ANKS3: variants seen among roughly 807,000 people sequenced by gnomAD.
The protein encoded by ANKS3 is ankyrin repeat and SAM domain-containing protein 3.
In ANKS3, 62 loss-of-function variants were observed where a neutral mutation model predicts 80.7. The observed-to-expected ratio is 0.77, with a 90% confidence interval of 0.63 to 0.95. The LOEUF is 0.95. Ranked by LOEUF, ANKS3 falls within the 40% of genes least tolerant of loss-of-function variation. ANKS3 has a pLI of 0.00. For synonymous variants in ANKS3, 489 were observed against 355.3 expected, an observed-to-expected ratio of 1.38 and a Z score of -4.23; for missense variants, 1,150 against 883.6, an observed-to-expected ratio of 1.30 and a Z score of -3.82.
At chr16:4,712,092 C>T (rs1025836012) in intron 7 of ANKS3, among the ~76,000 whole-genome samples, 7 of 152,176 alleles carry the variant, frequency 4.6e-5, no homozygotes, top group African/African-American at 1.7e-4. Context: ...TAGACCACGC[C>T]GGGAGCGGTG....
intron 8 of ANKS3, among the ~76,000 whole-genome samples, 159 bp from the exon 9 acceptor site, chr16:4,702,401 G>C (rs1372491281): frequency 6.6e-6 from 1 of 152,220 alleles, no homozygotes; most frequent in Non-Finnish European, 1.5e-5. Flanking sequence ...GGGTGGAAAA[G>C]ATGCTCTGAG....
Position 4,705,115 on chromosome 16 carries a change from C to G in ANKS3, c.848G>C (p.Arg283Thr). ...ARITGIGLGG[R>T]APRPRYEQAP... ...CTCACCATAGCGAGGCCGTGGGGCT[C>G]TGCCGCCCAGGCCAATGCCTGTGAT... The change falls in exon 8 of 18, where the codon AGA (arginine) becomes ACA (threonine). Residue 283 changes from arginine (R) to threonine (T), a missense_variant. Coordinates refer to ENST00000304283, the MANE Select transcript of ANKS3 (RefSeq NM_133450.4). 1 of 1,612,824 alleles carries G rather than the reference C, an allele frequency of 6.2e-7. No homozygotes were observed. The highest frequency in any genetic ancestry group is 8.5e-7 in the Non-Finnish European group (1 of 1,180,026).
intron 3 of ANKS3, chr16:4,727,408 T>A (rs2081409169): frequency 8.5e-6 from 5 of 585,062 alleles, no homozygotes; most frequent in Non-Finnish European, 6.1e-6. Flanking sequence ...TTTCGCATCC[T>A]CCTAGCCCAA....
rs780015568 is a variant in ANKS3 at position 4,697,376 on chromosome 16, G to C, written c.1851C>G (p.Leu617=). 1 of 1,610,388 alleles carries C rather than the reference G, an allele frequency of 6.2e-7. No homozygotes were observed. Among genetic ancestry groups the C allele is most frequent in the Non-Finnish European group, 8.5e-7 (1 of 1,178,436 alleles). ...CCTCCAGGGCTCCCGAGAGCTCGGG[G>C]AGGCTCATGGCCTGCAGGGACGCTT... ...GWQASLQAMS[L]PELSGALEDR... is the part of the protein sequence containing the mutation. Residue 617 remains leucine (L), a synonymous_variant, in exon 16 of 18, where the codon CTC becomes CTG. Coordinates refer to ENST00000304283, the MANE Select transcript of ANKS3 (RefSeq NM_133450.4).
chr16:4,714,195 G>A lies in ANKS3; in HGVS notation c.574-9C>T, dbSNP rs778169027. On this transcript the variant is annotated splice_polypyrimidine_tract_variant and intron_variant, in intron 6 of 17. Coordinates refer to ENST00000304283, the MANE Select transcript of ANKS3 (RefSeq NM_133450.4). ...GCGTCCACCTTGACTCCCTGTGAAT[G>A]TCCGTGAAAGGGGGTTAGGGGCCTC... 5.0e-5 allele frequency: 81 copies of A among 1,613,698 alleles called. No homozygotes were observed. The highest frequency in any genetic ancestry group is 6.7e-5 in the Non-Finnish European group (79 of 1,179,878).
rs560639413 is a variant in ANKS3 at position 4,696,975 on chromosome 16, T to C, written c.*11+42A>G. On this transcript the variant is annotated intron_variant, in intron 17 of 17. Transcript: ENST00000304283. ...CACCTGCAGCCGCCCAGACAGGCCCTGCTGCTCCCACCACGCGGGATCCAG... is the reference window on the plus strand; with the variant it reads ...CACCTGCAGCCGCCCAGACAGGCCCCGCTGCTCCCACCACGCGGGATCCAG... 101 of 1,593,648 alleles carry C rather than the reference T, an allele frequency of 6.3e-5. No homozygotes were observed. The East Asian group carries it at 2.0e-3, about 32-fold the overall frequency.
intron 14 of ANKS3, 58 bp from the exon 15 acceptor site, chr16:4,698,120 C>G (rs570053759): frequency 6.6e-7 from 1 of 1,513,286 alleles, no homozygotes; most frequent in East Asian, 2.4e-5. Context: ...TGCAGAGCCC[C>G]CACCTCAGAC....
rs774373533 is a variant in ANKS3, at chr16:4,698,502, C to T, written c.1649G>A (p.Arg550His). 8.7e-5 allele frequency: 135 copies of T among 1,557,354 alleles called. No homozygotes were observed. The highest frequency in any genetic ancestry group is 1.0e-4 in the Non-Finnish European group (120 of 1,159,400). ...CCGCAGCCGGGCCTGGAGGTCCTCG[C>T]GGGCGCGGTCCTGCTCCAGCAGGCA... ...ESCLLEQDRA[R>H]EDLQARLRET... is the part of the protein sequence containing the mutation. The change falls in exon 14 of 18, where the codon CGC becomes CAC. Residue 550 changes from arginine to histidine, a missense_variant. Arg to His is a conservative substitution (Grantham distance 29, BLOSUM62 0). Transcript: ENST00000304283.
In ANKS3 at chr16:4,697,374, G is replaced by C. The variant is rs567237538; in HGVS notation, c.1853C>G (p.Pro618Arg). 97 of 1,610,494 alleles carry C rather than the reference G, an allele frequency of 6.0e-5. 1 individual carries two copies. The South Asian group carries it at 1.0e-3, about 17-fold the overall frequency. The change falls in exon 16 of 18, where the codon CCC (proline) becomes CGC (arginine). Residue 618 changes from proline to arginine, a missense_variant. Transcript: ENST00000304283. ...GTCCTCCAGGGCTCCCGAGAGCTCGGGGAGGCTCATGGCCTGCAGGGACGC... is the reference window on the plus strand; with the variant it reads ...GTCCTCCAGGGCTCCCGAGAGCTCGCGGAGGCTCATGGCCTGCAGGGACGC... The part of the protein sequence containing the change: ...WQASLQAMSL[P>R]ELSGALEDRV...
chr16:4,726,612 G>C (rs770796186), intron 5 of ANKS3, 47 bp downstream of exon 5: 1 of 1,589,882 alleles, frequency 6.3e-7, no homozygotes, highest in South Asian at 1.1e-5. Context: ...CTTAGAGTCA[G>C]ATGACACCTA....
At chr16:4,698,306 G>A in intron 14 of ANKS3, 121 bp downstream of exon 14, 2 of 1,346,912 alleles carry the variant, frequency 1.5e-6, no homozygotes, top group Non-Finnish European at 2.0e-6. Context: ...GGGGTGGGGT[G>A]GCTCCAGACC....
At chr16:4,721,696 TGGCAA>T (rs2081110448) in intron 6 of ANKS3, among the ~76,000 whole-genome samples, 2 of 151,204 alleles carry the variant, frequency 1.3e-5, no homozygotes, top group African/African-American at 2.4e-5. Flanking sequence ...TGGAGTGCAG[TGGCAA>T]CATCTTGGCT....
chr16:4,707,348 C>A (rs921670823), intron 7 of ANKS3, among the ~76,000 whole-genome samples: 1 of 147,740 alleles, frequency 6.8e-6, no homozygotes, highest in African/African-American at 2.5e-5. Context: ...GTGGCACAAT[C>A]TCGGCTCATT....
At chr16:4,721,311 A>G (rs1371700840) in intron 6 of ANKS3, among the ~76,000 whole-genome samples, 2 of 150,528 alleles carry the variant, frequency 1.3e-5, no homozygotes, top group Admixed American at 1.3e-4. Context: ...TCTCAAAAAA[A>G]AAAAAAAAAG....
intron 6 of ANKS3, among the ~76,000 whole-genome samples, chr16:4,721,221 T>A (rs771985463): frequency 7.0e-6 from 1 of 141,950 alleles, no homozygotes; most frequent in Non-Finnish European, 1.5e-5. Context: ...AGGAGAATGG[T>A]GTGAACCCGG....
rs748900379 is a variant in ANKS3, at chr16:4,699,024, A to G, written c.1409+28T>C. ...GGGAGTTTGCCCCAACCCCGGGCTG[A>G]GGGCCAGAGCGGCCCTTCTGGACGC... On this transcript the variant is annotated intron_variant, in intron 12 of 17. Transcript: ENST00000304283. 1.9e-6 allele frequency: 3 copies of G among 1,614,150 alleles called. No individual in the cohort carries two copies. In the Admixed American group the frequency reaches 5.0e-5, roughly 27 times the overall value.
At chr16:4,701,407 G>T in intron 10 of ANKS3, 27 bp downstream of exon 10, 1 of 1,572,994 alleles carries the variant, frequency 6.4e-7, no homozygotes. Flanking sequence ...ACCGGCTATG[G>T]GAGACCAAGA....
intron 5 of ANKS3, 71 bp downstream of exon 5, chr16:4,726,588 C>G: frequency 6.4e-7 from 1 of 1,554,844 alleles, no homozygotes; most frequent in South Asian, 1.1e-5. Context: ...TTAGCTGCCT[C>G]CAGAGCCACC....
rs970972781 is a variant in ANKS3 at position 4,733,951 on chromosome 16, C to A, written c.-84G>T. 1.0e-6 allele frequency: 1 copy of A among 985,378 alleles called. No homozygotes were observed. Among genetic ancestry groups the A allele is most frequent in the Admixed American group, 6.1e-5 (1 of 16,266 alleles). 61.0% of individuals were successfully genotyped at this position (985,378 alleles called of 1,614,324 possible). The stretch of plus-strand genomic sequence containing the variant: ...CCCGTAACTCACAGCAGTGACGCTT[C>A]CCGACGCCCCCCGGCCACATCCCCA... On this transcript the variant is annotated 5_prime_UTR_variant, in exon 1 of 18. Coordinates refer to ENST00000304283, the MANE Select transcript of ANKS3 (RefSeq NM_133450.4).
Sources: allele counts gnomAD v4.1 joint callset (sites outside exome capture counted in the v4.1 genomes callset), GRCh38; gene constraint gnomAD v4.1.1; transcripts MANE v1.5; gene names NCBI Gene and HGNC (gene_info 2026-07-23, HGNC 2026-07-21).